The following SPAG16 variants were observed in gnomAD, a reference collection of about 807,000 sequenced individuals.
The protein encoded by SPAG16 is sperm-associated antigen 16 protein.
In SPAG16, 86 loss-of-function variants were observed where a neutral mutation model predicts 80.4. The observed-to-expected ratio is 1.07, with a 90% CI of 0.90 to 1.28. SPAG16 has a LOEUF of 1.28. Among genes scored for constraint, SPAG16 ranks in the 50% most tolerant of loss-of-function variants. The pLI is 0.00. For missense variants in SPAG16, 870 were observed against 765.3 expected (o/e 1.14, Z -1.61); for synonymous variants, 294 against 265.9 (o/e 1.11, Z -1.03).
chr2:213,914,452 G>A (rs879763677), intron 11 of SPAG16, among the ~76,000 whole-genome samples: 30 of 151,906 alleles, frequency 2.0e-4, no homozygotes, highest in Non-Finnish European at 4.3e-4. Context: ...GAACCATTTT[G>A]GTCTTTGTTG....
intron 9 of SPAG16, among the ~76,000 whole-genome samples, chr2:213,470,254 G>T (rs1055252765): frequency 6.6e-6 from 1 of 152,176 alleles, no homozygotes; most frequent in African/African-American, 2.4e-5. Context: ...AGGATGATGG[G>T]GAACATGATA....
chr2:213,745,092 G>T (rs768589427), intron 10 of SPAG16, among the ~76,000 whole-genome samples: 1 of 151,940 alleles, frequency 6.6e-6, no homozygotes, highest in Non-Finnish European at 1.5e-5. Flanking sequence ...ACTTCTATTT[G>T]TGAATTAGCT....
chr2:213,367,268 C>T (rs1422844211), intron 8 of SPAG16, among the ~76,000 whole-genome samples: 7 of 151,036 alleles, frequency 4.6e-5, no homozygotes, highest in South Asian at 2.1e-4. Context: ...TGTGTCTTTA[C>T]AGCAGCATGA....
chr2:214,120,044 G>A (rs752140934), intron 14 of SPAG16, among the ~76,000 whole-genome samples: 4 of 151,772 alleles, frequency 2.6e-5, no homozygotes, highest in Non-Finnish European at 4.4e-5. Context: ...GACTTGATGT[G>A]TCTTCTCAAT....
intron 4 of SPAG16, among the ~76,000 whole-genome samples, chr2:213,314,393 T>TAAAAC (rs141497604): frequency 0.22 from 32,672 of 151,524 alleles, 4,359 homozygotes; most frequent in Non-Finnish European, 0.31. Context: ...GGATATTTGT[T>TAAAAC]AAAACAAAAC....
At chr2:214,360,635 T>C (rs1699124154) in intron 15 of SPAG16, among the ~76,000 whole-genome samples, 3 of 151,916 alleles carry the variant, frequency 2.0e-5, no homozygotes, top group Non-Finnish European at 2.9e-5. Context: ...ATAGATGAAA[T>C]CACTTTAGTA....
At chr2:213,292,669 A>AAAAC (rs1354835513) in intron 1 of SPAG16, among the ~76,000 whole-genome samples, 22 of 128,368 alleles carry the variant, frequency 1.7e-4, no homozygotes, top group Admixed American at 1.0e-3. Flanking sequence ...GTCTCAAAAA[A>AAAAC]AAAAAACAAA....
chr2:214,329,651 T>C (rs1696755302), intron 15 of SPAG16, among the ~76,000 whole-genome samples: 1 of 152,152 alleles, frequency 6.6e-6, no homozygotes, highest in African/African-American at 2.4e-5. Context: ...AAAAGCTAGT[T>C]AGAAAAAAAG....
intron 13 of SPAG16, among the ~76,000 whole-genome samples, chr2:214,079,097 C>A (rs1576095774): frequency 6.6e-6 from 1 of 152,160 alleles, no homozygotes; most frequent in East Asian, 1.9e-4. Flanking sequence ...GCCTAAGGTA[C>A]ATCTAAGATA....
chr2:213,936,464 C>T (rs897391456), intron 12 of SPAG16, among the ~76,000 whole-genome samples: 13 of 152,106 alleles, frequency 8.5e-5, no homozygotes, highest in African/African-American at 3.1e-4. Flanking sequence ...GGGGTGAAAG[C>T]TTAAAAGCAG....
chr2:214,246,581 G>C (rs1029240496), intron 15 of SPAG16, among the ~76,000 whole-genome samples: 80 of 152,060 alleles, frequency 5.3e-4, no homozygotes, highest in Non-Finnish European at 7.8e-4. Context: ...AGAAGCCCAA[G>C]TTATATTCCA....
intron 9 of SPAG16, among the ~76,000 whole-genome samples, chr2:213,456,999 A>G (rs1303205562): frequency 6.6e-6 from 1 of 150,666 alleles, no homozygotes; most frequent in South Asian, 2.1e-4. Context: ...TTTTTTTTTA[A>G]ATGTTGTGTA....
At chr2:214,396,969 A>G (rs965372422) in intron 15 of SPAG16, among the ~76,000 whole-genome samples, 25 of 151,872 alleles carry the variant, frequency 1.6e-4, no homozygotes, top group African/African-American at 5.8e-4. Flanking sequence ...TATAAAAACT[A>G]TACTGTATGT....
In SPAG16 at chr2:213,284,976, C is replaced by T. The variant is rs192756972; in HGVS notation, c.136+357C>T. Among the ~76,000 whole-genome samples, 18 of 152,262 alleles carry T rather than the reference C, an allele frequency of 1.2e-4. 1 individual carries two copies. The highest frequency in any genetic ancestry group is 1.0e-3 in the Admixed American group (16 of 15,298). On this transcript the variant is annotated intron_variant, in intron 1 of 15. Transcript: ENST00000331683. ...AAATAATGGGTTTCCTAAATAAGCC[C>T]TCAATCTTTCAGAAAGCCGTCCCAA...
chr2:213,439,631 A>T (rs1192767641), intron 9 of SPAG16, among the ~76,000 whole-genome samples: 1 of 152,224 alleles, frequency 6.6e-6, no homozygotes, highest in Non-Finnish European at 1.5e-5. Context: ...GGAGTAAGAT[A>T]ATTAAGGGAA....
chr2:214,303,158 T>C (rs1694679856), intron 15 of SPAG16, among the ~76,000 whole-genome samples: 1 of 152,228 alleles, frequency 6.6e-6, no homozygotes, highest in Admixed American at 6.5e-5. Flanking sequence ...ATTTTGTTCC[T>C]GTCATAATAT....
intron 10 of SPAG16, among the ~76,000 whole-genome samples, chr2:213,638,597 G>C (rs990976422): frequency 6.6e-6 from 1 of 152,060 alleles, no homozygotes; most frequent in Non-Finnish European, 1.5e-5. Flanking sequence ...TCCCATTGTG[G>C]TCTGAGAGAG....
intron 15 of SPAG16, among the ~76,000 whole-genome samples, chr2:214,399,355 T>C (rs899730251): frequency 5.9e-5 from 9 of 152,092 alleles, no homozygotes; most frequent in African/African-American, 1.9e-4. Context: ...GGTGTAGTGA[T>C]GCTGATTTAT....
intron 13 of SPAG16, among the ~76,000 whole-genome samples, chr2:214,046,959 T>C (rs1348845836): frequency 6.7e-6 from 1 of 148,422 alleles, no homozygotes; most frequent in Non-Finnish European, 1.5e-5. Flanking sequence ...AATAAAATAA[T>C]ATAACTAGGA....
Sources: allele counts gnomAD v4.1 joint callset (sites outside exome capture counted in the v4.1 genomes callset), GRCh38; gene constraint gnomAD v4.1.1; transcripts MANE v1.5; gene names NCBI Gene and HGNC (gene_info 2026-07-23, HGNC 2026-07-21).